The following UPF1 variants were observed in gnomAD, a reference collection of about 807,000 sequenced individuals.
UPF1 encodes regulator of nonsense transcripts 1.
In UPF1, 9 loss-of-function variants were observed where a neutral mutation model predicts 129.2. That is an observed-to-expected ratio of 0.07 (90% CI 0.04 to 0.12). The LOEUF (loss-of-function observed/expected upper bound fraction) is 0.12, where lower values mean the gene tolerates loss of function less well. UPF1 is among the 10% of genes least tolerant of loss of function. The probability of loss-of-function intolerance (pLI) is 1.00; values close to 1 mark genes in which losing one functional copy is unlikely to be tolerated. For missense variants in UPF1, 788 were observed against 1,525.3 expected (o/e 0.52, Z 8.05); for synonymous variants, 649 against 644.9 (o/e 1.01, Z -0.10).
chr19:18,855,783 G>T, intron 11 of UPF1, 142 bp from the exon 12 acceptor site: 1 of 1,190,252 alleles, frequency 8.4e-7, no homozygotes, highest in South Asian at 1.6e-5. Context: ...AGGATGTTGA[G>T]GCTGCAATTA....
At chr19:18,838,703 C>A (rs2055508877) in intron 1 of UPF1, among the ~76,000 whole-genome samples, 2 of 151,770 alleles carry the variant, frequency 1.3e-5, no homozygotes, top group Admixed American at 6.6e-5. Flanking sequence ...TCTGGTAGCC[C>A]AGGTGTGGTT....
intron 2 of UPF1, among the ~76,000 whole-genome samples, 179 bp downstream of exon 2, chr19:18,846,298 G>C (rs564858073): frequency 6.6e-6 from 1 of 152,320 alleles, no homozygotes; most frequent in East Asian, 1.9e-4. Context: ...CCTGTTACCG[G>C]TCAGGAGGTG....
chr19:18,840,462 C>T (rs2055529764), intron 1 of UPF1, among the ~76,000 whole-genome samples: 1 of 152,078 alleles, frequency 6.6e-6, no homozygotes, highest in African/African-American at 2.4e-5. Flanking sequence ...AGAGCGGCTG[C>T]AAGGAAGCTA....
chr19:18,860,874 A>G lies in UPF1; in HGVS notation c.2349A>G (p.Ala783=), dbSNP rs753821709. The G allele has an allele frequency of 5.0e-6, 8 of 1,611,132 alleles. No individual in the cohort carries two copies. The highest frequency in any genetic ancestry group is 2.2e-5 in the South Asian group (2 of 90,604). Residue 783 remains alanine (A), a synonymous_variant, in exon 17 of 24, where the codon GCA becomes GCG. Coordinates refer to ENST00000262803, the MANE Select transcript of UPF1 (RefSeq NM_002911.4). ...AGATCACCACGAAGTTGCTGAAGGCAGGCGCCAAGCCGGACCAGATTGGCA... is the reference window on the plus strand; with the variant it reads ...AGATCACCACGAAGTTGCTGAAGGCGGGCGCCAAGCCGGACCAGATTGGCA... ...VEKITTKLLK[A]GAKPDQIGII...
Position 18,860,991 on chromosome 19 carries a change from C to T in UPF1, c.2457+9C>T, listed in dbSNP as rs376756329. The T allele has an allele frequency of 1.7e-4, 261 of 1,564,800 alleles. 2 individuals carry two copies. In the South Asian group the frequency reaches 2.2e-3, roughly 13 times the overall value. On this transcript the variant is annotated intron_variant, in intron 17 of 23. Coordinates refer to ENST00000262803, the MANE Select transcript of UPF1 (RefSeq NM_002911.4). ...ACACCAAGCTCTACCAGGTGCGCTGCGCCCTCGGGCACACTTGGTCTCCTG... is the reference window on the plus strand; with the variant it reads ...ACACCAAGCTCTACCAGGTGCGCTGTGCCCTCGGGCACACTTGGTCTCCTG...
In UPF1 at chr19:18,853,207, C is replaced by A. The variant is rs372833852; in HGVS notation, c.1058-45C>A. 3.8e-6 allele frequency: 6 copies of A among 1,598,144 alleles called. No individual in the cohort carries two copies. Among genetic ancestry groups the A allele is most frequent in the Non-Finnish European group, 4.3e-6 (5 of 1,169,728 alleles). On this transcript the variant is annotated intron_variant, in intron 7 of 23. Transcript: ENST00000262803. This position sits in a 1 kb window ranked among gnomAD's most constrained non-coding sequence, Gnocchi z 4.4. ...TTTGAACTCTCCCTGGTGGAAGCGA[C>A]GGCGTGGGTTAAAATGGCCACCTCT...
chr19:18,854,745 G>A, intron 9 of UPF1, 36 bp downstream of exon 9: 1 of 1,608,620 alleles, frequency 6.2e-7, no homozygotes, highest in Non-Finnish European at 8.5e-7. Context: ...CTGTTCCCTG[G>A]TTGCCACCTG....
In UPF1 at chr19:18,854,735, CT is replaced by C. The variant is rs3833293; in HGVS notation, c.1265+27del. 9.7e-5 allele frequency: 157 copies of C among 1,610,496 alleles called. 1 individual carries two copies. In the East Asian group the frequency reaches 3.5e-3, roughly 35 times the overall value. On this transcript the variant is annotated intron_variant, in intron 9 of 23. Coordinates refer to ENST00000262803, the MANE Select transcript of UPF1 (RefSeq NM_002911.4). Reference sequence around the variant, plus strand: ...GTACGTCTTCTCCCATCACTGCCCCCTGTTCCCTGGTTGCCACCTGTGGCAT... The same window carrying C: ...GTACGTCTTCTCCCATCACTGCCCCCGTTCCCTGGTTGCCACCTGTGGCAT...
In UPF1 at chr19:18,850,228, G is replaced by T. The variant is rs1369800036; in HGVS notation, c.615G>T (p.Val205=). Residue 205 remains valine (V), a synonymous_variant, in exon 4 of 24, where the codon GTG becomes GTT. Transcript: ENST00000262803. The surrounding 1 kb of genome is among the most constrained non-coding windows in gnomAD (Gnocchi z 7.1). ...TCCCGGCCAAAGCTGACTCAGTGGT[G>T]GTGCTGCTGTGCAGGTGAGTGGTCC... ...GFIPAKADSV[V]VLLCRQPCAS... is the part of the protein sequence containing the mutation. 5 of 1,609,730 alleles carry T rather than the reference G, an allele frequency of 3.1e-6. No homozygotes were observed. The highest frequency in any genetic ancestry group is 4.2e-6 in the Non-Finnish European group (5 of 1,177,826).
chr19:18,852,639 C>G (rs1351728948), intron 6 of UPF1, among the ~76,000 whole-genome samples: 1 of 148,314 alleles, frequency 6.7e-6, no homozygotes, highest in Non-Finnish European at 1.5e-5. Context: ...CCTCCCCTCC[C>G]TCCCTCCCCT....
At chr19:18,846,569 CA>C (rs1200844884) in intron 2 of UPF1, among the ~76,000 whole-genome samples, 1 of 152,090 alleles carries the variant, frequency 6.6e-6, no homozygotes, top group African/African-American at 2.4e-5. Flanking sequence ...GATGTGAAGA[CA>C]GTAGTTAGTG....
intron 8 of UPF1, 69 bp from the exon 9 acceptor site, chr19:18,854,532 T>C: frequency 1.6e-6 from 2 of 1,249,430 alleles, no homozygotes; most frequent in East Asian, 2.3e-5. Flanking sequence ...TTAAAGAGCG[T>C]GTACCAAGGG....
chr19:18,848,031 T>G (rs1316725073), intron 3 of UPF1, 198 bp downstream of exon 3: 4 of 521,218 alleles, frequency 7.7e-6, no homozygotes, highest in Non-Finnish European at 3.4e-6. Flanking sequence ...ATTTATTCTC[T>G]GTGGCTCTTT....
chr19:18,834,820 A>C (rs2055466721), intron 1 of UPF1, among the ~76,000 whole-genome samples: 1 of 152,144 alleles, frequency 6.6e-6, no homozygotes, highest in Non-Finnish European at 1.5e-5. Flanking sequence ...TGGCCGTGTA[A>C]CCAGCTGTTA....
chr19:18,841,846 T>G (rs2055545595), intron 1 of UPF1, among the ~76,000 whole-genome samples: 1 of 152,196 alleles, frequency 6.6e-6, no homozygotes, highest in Non-Finnish European at 1.5e-5. Flanking sequence ...AACAAGGGTC[T>G]GCCGGTCCAC....
intron 1 of UPF1, among the ~76,000 whole-genome samples, chr19:18,839,646 C>T (rs1313284295): frequency 2.0e-5 from 3 of 152,194 alleles, no homozygotes; most frequent in African/African-American, 4.8e-5. Context: ...CTTTAAGCCC[C>T]GTGTCTGTTA....
chr19:18,856,428 C>A, intron 13 of UPF1, 128 bp downstream of exon 13: 1 of 857,592 alleles, frequency 1.2e-6, no homozygotes, highest in Non-Finnish European at 1.8e-6. Flanking sequence ...CTCTACTTGG[C>A]CTCTCTGCGC....
At chr19:18,859,156 C>T (rs1030353443) in intron 15 of UPF1, among the ~76,000 whole-genome samples, 7 of 152,232 alleles carry the variant, frequency 4.6e-5, no homozygotes, top group African/African-American at 1.2e-4. Flanking sequence ...CTAGCTTGTG[C>T]TCTGGGGTGT....
chr19:18,838,624 G>C (rs569192673), intron 1 of UPF1, among the ~76,000 whole-genome samples: 1 of 152,246 alleles, frequency 6.6e-6, no homozygotes, highest in African/African-American at 2.4e-5. Context: ...CTCCAGCCTG[G>C]GCAACAAGAG....
Sources: allele counts gnomAD v4.1 joint callset (sites outside exome capture counted in the v4.1 genomes callset), GRCh38; gene constraint gnomAD v4.1.1; non-coding constraint Gnocchi (gnomAD v3.1); transcripts MANE v1.5; gene names NCBI Gene and HGNC (gene_info 2026-07-23, HGNC 2026-07-21).